The following DYM variants were observed in gnomAD, a reference collection of about 807,000 sequenced individuals.
The protein encoded by DYM is dymeclin, also known as dyggve-Melchior-Clausen syndrome protein.
DYM carries 78 observed loss-of-function variants against 93.1 expected under a neutral mutation model. The ratio of observed to expected loss-of-function variants is 0.84; its 90% CI spans 0.70 to 1.01. The LOEUF is 1.01. Ranked by LOEUF, DYM falls within the 50% of genes least tolerant of loss-of-function variation. DYM has a pLI of 0.00. For missense variants in DYM, 789 were observed against 845.0 expected, an observed-to-expected ratio of 0.93 and a Z score of 0.82; for synonymous variants, 321 against 319.7, an observed-to-expected ratio of 1.00 and a Z score of -0.04.
intron 14 of DYM, among the ~76,000 whole-genome samples, chr18:49,190,511 G>A (rs560224746): frequency 3.3e-5 from 5 of 152,234 alleles, no homozygotes; most frequent in African/African-American, 9.6e-5. Context: ...GAATTCTTAA[G>A]ACTTCTACTG....
chr18:49,350,376 T>A (rs2065004528), intron 6 of DYM, among the ~76,000 whole-genome samples: 1 of 152,184 alleles, frequency 6.6e-6, no homozygotes, highest in South Asian at 2.1e-4. Flanking sequence ...TAAAAGCAAC[T>A]TACAGAATAG....
chr18:49,334,455 C>T (rs2063526648), intron 6 of DYM, among the ~76,000 whole-genome samples: 2 of 152,044 alleles, frequency 1.3e-5, no homozygotes, highest in Admixed American at 1.3e-4. Flanking sequence ...ATCATAAACC[C>T]CTTTGGGAAA....
rs148832737 is a variant in DYM, at chr18:49,184,859, C to T, written c.1626-21072G>A. Among the ~76,000 whole-genome samples the T allele has an allele frequency of 9.2e-5, 14 of 152,172 alleles. No individual in the cohort carries two copies. In the East Asian group the frequency reaches 2.3e-3, roughly 25 times the overall value. The stretch of plus-strand genomic sequence containing the variant: ...CAAAACGAGGATAATGGGGGACCAC[C>T]GCATATATCTCAGAGGTAAGAAGAA... On this transcript the variant is annotated intron_variant, in intron 14 of 17. Coordinates refer to ENST00000675505, the MANE Select transcript of DYM (RefSeq NM_001353214.3).
At chr18:49,399,589 T>C (rs62102874) in intron 2 of DYM, among the ~76,000 whole-genome samples, 19,033 of 152,196 alleles carry the variant, frequency 0.13, 1,525 homozygotes, top group Middle Eastern at 0.19. Flanking sequence ...GAAGCCTTCT[T>C]TGATCAGGTC....
chr18:49,044,238 C>T, intron 17 of DYM, 34 bp from the exon 18 acceptor site: 1 of 1,612,604 alleles, frequency 6.2e-7, no homozygotes, highest in Non-Finnish European at 8.5e-7. Context: ...TATAATCCCA[C>T]AGTTCCATGC....
chr18:49,339,239 C>T (rs1391657458), intron 6 of DYM, among the ~76,000 whole-genome samples: 2 of 152,200 alleles, frequency 1.3e-5, no homozygotes, highest in Admixed American at 1.3e-4. Context: ...CACACAGACA[C>T]ACACGCGTGC....
At chr18:49,138,550 G>A (rs985023062) in intron 15 of DYM, among the ~76,000 whole-genome samples, 1 of 152,160 alleles carries the variant, frequency 6.6e-6, no homozygotes, top group Admixed American at 6.5e-5. Context: ...ATCTAGGCAG[G>A]TGGGGAGGTT....
At chr18:49,047,594 T>C (rs1480728014) in intron 17 of DYM, among the ~76,000 whole-genome samples, 6 of 152,044 alleles carry the variant, frequency 3.9e-5, no homozygotes, top group Non-Finnish European at 7.4e-5. Context: ...ACTCCTGAAG[T>C]CCCCTTGCAC....
chr18:49,396,238 G>T (rs758675071), intron 2 of DYM, among the ~76,000 whole-genome samples: 1 of 152,082 alleles, frequency 6.6e-6, no homozygotes, highest in Non-Finnish European at 1.5e-5. Flanking sequence ...AGACCAAGAC[G>T]TTAGGAAAGT....
intron 14 of DYM, among the ~76,000 whole-genome samples, chr18:49,164,685 G>A (rs537554081): frequency 6.6e-6 from 1 of 152,306 alleles, no homozygotes; most frequent in East Asian, 1.9e-4. Flanking sequence ...ACTCCACAAG[G>A]TGTGGCAGTA....
chr18:49,067,365 T>TGTCA (rs57030002), intron 17 of DYM, among the ~76,000 whole-genome samples: 3 of 5,126 alleles, frequency 5.9e-4, no homozygotes, highest in African/African-American at 7.6e-4. Context: ...AGTGGGGTGA[T>TGTCA]GTGTTATGGA....
Position 49,181,066 on chromosome 18 carries a change from G to A in DYM, c.1626-17279C>T, listed in dbSNP as rs150699661. On this transcript the variant is annotated intron_variant, in intron 14 of 17. Transcript: ENST00000675505. ...CTAGCCTGAGTCCAGGCTGCAGGCC[G>A]TTAGTATGCAGTTTCTGATTTGGAG... 2.9e-3 allele frequency among the ~76,000 whole-genome samples: 434 copies of A among 152,236 alleles called. 2 individuals are homozygous for A. The highest frequency in any genetic ancestry group is 0.01 in the African/African-American group (417 of 41,538).
At chr18:49,323,991 T>C (rs917129596) in intron 8 of DYM, among the ~76,000 whole-genome samples, 1 of 151,602 alleles carries the variant, frequency 6.6e-6, no homozygotes, top group African/African-American at 2.4e-5. Flanking sequence ...CATAAAAAAT[T>C]AGGAATGGTG....
At chr18:49,178,537 A>G (rs576142652) in intron 14 of DYM, among the ~76,000 whole-genome samples, 5 of 152,266 alleles carry the variant, frequency 3.3e-5, no homozygotes, top group African/African-American at 1.2e-4. Context: ...AATATGTGGA[A>G]CTGCACAATT....
chr18:49,081,623 T>C (rs2078047948), intron 17 of DYM, among the ~76,000 whole-genome samples: 1 of 152,142 alleles, frequency 6.6e-6, no homozygotes, highest in Non-Finnish European at 1.5e-5. Context: ...TATTTTGATC[T>C]TTTGTTTTTA....
intron 17 of DYM, among the ~76,000 whole-genome samples, chr18:49,080,616 G>C (rs1172945393): frequency 2.7e-5 from 4 of 145,730 alleles, no homozygotes; most frequent in African/African-American, 5.1e-5. Flanking sequence ...CCTCCTGGAC[G>C]GGGCGGCTGG....
chr18:49,201,712 A>C (rs889012069), intron 14 of DYM, among the ~76,000 whole-genome samples: 1 of 152,154 alleles, frequency 6.6e-6, no homozygotes, highest in African/African-American at 2.4e-5. Context: ...CTATATGTGA[A>C]CTTCTGGACT....
At chr18:49,272,944 C>G (rs1010902234) in intron 10 of DYM, among the ~76,000 whole-genome samples, 3 of 151,854 alleles carry the variant, frequency 2.0e-5, no homozygotes, top group Non-Finnish European at 2.9e-5. Context: ...TAAAGATGGG[C>G]AGACTATCTA....
chr18:49,292,328 GCAGGCAGGCAGA>G (rs200176705), intron 8 of DYM, among the ~76,000 whole-genome samples: 1 of 80,248 alleles, frequency 1.2e-5, no homozygotes, highest in South Asian at 4.9e-4. Flanking sequence ...AGGCAGGCAG[GCAGGCAGGCAGA>G]CAGACAGACA....
Sources: gnomAD v4.1 joint callset for allele counts (sites outside exome capture counted in the v4.1 genomes callset) on GRCh38, gnomAD v4.1.1 for gene constraint, MANE v1.5 for transcripts, NCBI Gene and HGNC (gene_info 2026-07-23, HGNC 2026-07-21) for gene names.